Variants in PTPRO observed in about 807,000 individuals in gnomAD.
PTPRO encodes the protein protein tyrosine phosphatase receptor type O.
A neutral mutation model predicts 145.2 loss-of-function variants in PTPRO; 62 were observed. That is an observed-to-expected ratio of 0.43 (90% CI 0.35 to 0.53). The LOEUF (loss-of-function observed/expected upper bound fraction) is 0.53. Ranked by LOEUF, PTPRO falls within the 20% of genes least tolerant of loss-of-function variation. The pLI is 0.01. For missense variants in PTPRO, 1,345 were observed against 1,482.7 expected, an observed-to-expected ratio of 0.91 and a Z score of 1.53; for synonymous variants, 565 against 514.7, an observed-to-expected ratio of 1.10 and a Z score of -1.32.
chr12:15,359,512 C>G (rs988141397), intron 1 of PTPRO, among the ~76,000 whole-genome samples: 2 of 144,354 alleles, frequency 1.4e-5, no homozygotes, highest in African/African-American at 5.2e-5. Flanking sequence ...AAGTGATTCT[C>G]CTACCTTGGC....
intron 12 of PTPRO, among the ~76,000 whole-genome samples, chr12:15,538,211 A>G (rs1943105181): frequency 6.7e-6 from 1 of 148,280 alleles, no homozygotes; most frequent in Non-Finnish European, 1.5e-5. Flanking sequence ...TCAACTGCCC[A>G]GAGGCATACC....
intron 19 of PTPRO, among the ~76,000 whole-genome samples, chr12:15,571,889 A>G (rs539745168): frequency 1.3e-5 from 2 of 152,348 alleles, no homozygotes; most frequent in East Asian, 1.9e-4. Context: ...AGCGATTAGC[A>G]TGCTATCTTT....
chr12:15,377,511 G>T (rs1032853035), intron 1 of PTPRO, among the ~76,000 whole-genome samples: 2 of 147,902 alleles, frequency 1.4e-5, no homozygotes, highest in African/African-American at 2.7e-5. Flanking sequence ...AAAACTGTGA[G>T]AATTAAAGGA....
intron 1 of PTPRO, among the ~76,000 whole-genome samples, chr12:15,438,509 G>T (rs183951216): frequency 1.3e-5 from 2 of 151,988 alleles, no homozygotes; most frequent in Admixed American, 1.3e-4. Flanking sequence ...ATCTTAAAAA[G>T]AAATCAATCA....
intron 1 of PTPRO, among the ~76,000 whole-genome samples, chr12:15,360,243 C>A (rs1033302441): frequency 6.6e-6 from 1 of 152,096 alleles, no homozygotes; most frequent in Non-Finnish European, 1.5e-5. Context: ...GTGTGGCTCA[C>A]TATTATCTTC....
At position 15,418,113 on chromosome 12, in the gene PTPRO, T is replaced by C. The variant is rs117827662; in HGVS notation, c.76-65861T>C. Among the ~76,000 whole-genome samples the C allele has an allele frequency of 6.7e-3, 1,011 of 151,966 alleles. 6 individuals carry two copies. Among genetic ancestry groups the C allele is most frequent in the South Asian group, 0.015 (74 of 4,828 alleles). On this transcript the variant is annotated intron_variant, in intron 1 of 26. Coordinates refer to ENST00000281171, the MANE Select transcript of PTPRO (RefSeq NM_030667.3). ...CTATTTTTTTCTTAGTAAAACTTTT[T>C]CAATGAAGGAAGTAGCATGTTGATT... is the stretch of plus-strand genomic sequence containing the variant.
rs188036938 is a variant in PTPRO at position 15,373,276 on chromosome 12, G to T, written c.75+50475G>T. Among the ~76,000 whole-genome samples the T allele has an allele frequency of 5.3e-5, 8 of 152,272 alleles. No homozygotes were observed. In the East Asian group the frequency reaches 1.2e-3, roughly 22 times the overall value. On this transcript the variant is annotated intron_variant, in intron 1 of 26. Transcript: ENST00000281171. Reference sequence around the variant, plus strand: ...GCTAGCATGATGGTGACAGCAAATTGTCTTGTGAGCAGCATACTATAGGAC... The same window carrying T: ...GCTAGCATGATGGTGACAGCAAATTTTCTTGTGAGCAGCATACTATAGGAC...
At chr12:15,587,324 A>G (rs1944450830) in intron 24 of PTPRO, 1 of 447,102 alleles carries the variant, frequency 2.2e-6, no homozygotes, top group African/African-American at 2.0e-5. Flanking sequence ...AAGTTCATGC[A>G]ACTAGAACAT....
At chr12:15,397,506 A>T (rs1939373980) in intron 1 of PTPRO, among the ~76,000 whole-genome samples, 2 of 152,268 alleles carry the variant, frequency 1.3e-5, no homozygotes, top group South Asian at 4.1e-4. Context: ...TCAGTTATTC[A>T]CTGTTCTCCA....
chr12:15,447,270 T>A (rs1940925843), intron 1 of PTPRO, among the ~76,000 whole-genome samples: 1 of 151,924 alleles, frequency 6.6e-6, no homozygotes, highest in Non-Finnish European at 1.5e-5. Flanking sequence ...ATAAATGACA[T>A]GAAAGAAAGA....
chr12:15,581,792 G>T lies in PTPRO; in HGVS notation c.3246G>T (p.Arg1082=). The change falls in exon 23 of 27, where the codon CGG becomes CGT. Residue 1082 remains arginine, a synonymous_variant. Transcript: ENST00000281171. ...EQDDWACRHF[R]INYADEMQDV... ...ACGACTGGGCCTGTAGACACTTCCG[G>T]ATCAACTATGTAAGTCACCAGGCAG... The T allele has an allele frequency of 6.2e-7, 1 of 1,613,880 alleles. No individual in the cohort carries two copies. The highest frequency in any genetic ancestry group is 8.5e-7 in the Non-Finnish European group (1 of 1,179,860).
intron 8 of PTPRO, among the ~76,000 whole-genome samples, chr12:15,516,180 C>T (rs886945982): frequency 1.1e-4 from 17 of 149,456 alleles, no homozygotes; most frequent in African/African-American, 4.2e-4. Context: ...TTAGTAGAGA[C>T]GGGGTTTCAC....
chr12:15,482,590 G>C (rs567105058), intron 1 of PTPRO, among the ~76,000 whole-genome samples: 14 of 152,042 alleles, frequency 9.2e-5, no homozygotes, highest in Non-Finnish European at 2.1e-4. Flanking sequence ...ACCCTGATTT[G>C]CTCATTACAC....
At chr12:15,575,957 C>A (rs922424830) in intron 19 of PTPRO, among the ~76,000 whole-genome samples, 1 of 152,188 alleles carries the variant, frequency 6.6e-6, no homozygotes, top group African/African-American at 2.4e-5. Context: ...AAGACACTTT[C>A]TCCAAATTAG....
chr12:15,594,719 G>GT (rs1050527711), intron 25 of PTPRO, among the ~76,000 whole-genome samples: 6 of 151,774 alleles, frequency 4.0e-5, no homozygotes, highest in South Asian at 2.1e-4. Flanking sequence ...AAATTCCACT[G>GT]TTTTTTTAAA....
chr12:15,421,379 G>A (rs1309629187), intron 1 of PTPRO, among the ~76,000 whole-genome samples: 1 of 152,062 alleles, frequency 6.6e-6, no homozygotes, highest in Non-Finnish European at 1.5e-5. Flanking sequence ...AGAGAGAGAG[G>A]GAAGTAAAAA....
chr12:15,405,425 G>C (rs1565610799), intron 1 of PTPRO, among the ~76,000 whole-genome samples: 1 of 152,142 alleles, frequency 6.6e-6, no homozygotes, highest in East Asian at 1.9e-4. Context: ...TGTGGTGACA[G>C]TGTATCTCAT....
intron 2 of PTPRO, among the ~76,000 whole-genome samples, chr12:15,496,334 G>C (rs1486874826): frequency 6.6e-6 from 1 of 151,572 alleles, no homozygotes; most frequent in Non-Finnish European, 1.5e-5. Flanking sequence ...TAGAGACAGG[G>C]TTTCTCCATG....
chr12:15,370,506 C>A (rs1226394837), intron 1 of PTPRO, among the ~76,000 whole-genome samples: 3 of 152,012 alleles, frequency 2.0e-5, no homozygotes, highest in Non-Finnish European at 4.4e-5. Flanking sequence ...AAGCATAAGT[C>A]TAAAGGCATA....
Sources: allele counts gnomAD v4.1 joint callset (sites outside exome capture counted in the v4.1 genomes callset), GRCh38; gene constraint gnomAD v4.1.1; transcripts MANE v1.5; gene names NCBI Gene and HGNC (gene_info 2026-07-23, HGNC 2026-07-21).